The following CYREN variants were observed in gnomAD, a reference collection of about 807,000 sequenced individuals.
CYREN encodes cell cycle regulator of NHEJ, also known as cell cycle regulator of non-homologous end joining.
A neutral mutation model predicts 9.7 loss-of-function variants in CYREN; 7 were observed. That is an observed-to-expected ratio of 0.72 (90% CI 0.41 to 1.36). CYREN has a LOEUF of 1.36. CYREN is among the 40% of genes most tolerant of loss of function. CYREN has a pLI of 0.01. For missense variants in CYREN, 215 were observed against 198.1 expected (o/e 1.09, Z -0.51); for synonymous variants, 76 against 77.9 (o/e 0.98, Z 0.13).
intron 2 of CYREN, chr7:135,148,319 C>T (rs1347382723): frequency 5.9e-6 from 2 of 336,680 alleles, no homozygotes; most frequent in East Asian, 1.7e-4. Context: ...CGTCTACTAC[C>T]TTGTAAGACA....
intron 2 of CYREN, 144 bp from the exon 3 acceptor site, chr7:135,167,951 C>T: frequency 7.2e-7 from 1 of 1,397,860 alleles, no homozygotes; most frequent in Non-Finnish European, 9.6e-7. Context: ...AGCTTTCTGA[C>T]ACGGACACAA....
At position 135,151,804 on chromosome 7, in the gene CYREN, C is replaced by T. The variant is rs923883907; in HGVS notation, n.356+16945G>A. On this transcript the variant is annotated intron_variant and non_coding_transcript_variant, in intron 2 of 2. Coordinates refer to the CYREN transcript ENST00000459937. The surrounding 1 kb of genome is among the most constrained non-coding windows in gnomAD (Gnocchi z 4.3). ...GTCATATGACTAGTGAGTGACAGAA[C>T]GACGACATGCTCCCAGGTCATCTGG... Among the ~76,000 whole-genome samples, 2 of 152,182 alleles carry T rather than the reference C, an allele frequency of 1.3e-5. No individual in the cohort carries two copies. The highest frequency in any genetic ancestry group is 1.3e-4 in the Admixed American group (2 of 15,288).
intron 2 of CYREN, chr7:135,101,397 A>T (rs1823808137): frequency 2.8e-6 from 1 of 362,590 alleles, no homozygotes; most frequent in African/African-American, 2.1e-5. Context: ...AAAGGATGAG[A>T]TTGATAGCTA....
At chr7:135,101,180 T>G (rs1256611283) in intron 2 of CYREN, 2 of 456,022 alleles carry the variant, frequency 4.4e-6, no homozygotes, top group African/African-American at 4.0e-5. Context: ...TCAAGGGAAC[T>G]GATTTGTATG....
At chr7:135,119,068 CAGA>C (rs1826742536) in intron 2 of CYREN, among the ~76,000 whole-genome samples, 1 of 152,000 alleles carries the variant, frequency 6.6e-6, no homozygotes, top group South Asian at 2.1e-4. Flanking sequence ...ATCGTAGTTT[CAGA>C]AGGACAGGAG....
At chr7:135,154,760 T>C (rs1306337604) in intron 2 of CYREN, among the ~76,000 whole-genome samples, 1 of 152,234 alleles carries the variant, frequency 6.6e-6, no homozygotes, top group East Asian at 1.9e-4. Context: ...ACTTCTTTTG[T>C]GGCCTTACAT....
chr7:135,156,742 T>C (rs1188532098), intron 2 of CYREN, among the ~76,000 whole-genome samples: 1 of 152,244 alleles, frequency 6.6e-6, no homozygotes, highest in African/African-American at 2.4e-5. Context: ...CTGCTGCTGC[T>C]GGACAGCTGT....
chr7:135,096,584 C>CATAGATAGATAGATAGATAGATAG lies in CYREN; in HGVS notation n.357-2026_357-2003dup, dbSNP rs71172496. Among the ~76,000 whole-genome samples the CATAGATAGATAGATAGATAGATAG allele has an allele frequency of 1.6e-3, 141 of 88,814 alleles. 1 individual carries two copies. Among genetic ancestry groups the CATAGATAGATAGATAGATAGATAG allele is most frequent in the East Asian group, 3.9e-3 (14 of 3,592 alleles). 58.3% of individuals were successfully genotyped at this position (88,814 alleles called of 152,430 possible). A position where few individuals can be genotyped will look rare whatever the true frequency, so the allele number is the denominator to read the frequency against. On this transcript the variant is annotated intron_variant and non_coding_transcript_variant, in intron 2 of 2. Coordinates refer to the CYREN transcript ENST00000459937. ...AGATAGATAGATAGATAGATAGATA[C>CATAGATAGATAGATAGATAGATAG]ATAGATAGATAGATAGATAGATAGA...
chr7:135,170,845 C>T (rs1379620776), upstream of CYREN: 1 of 152,198 alleles, frequency 6.6e-6, no homozygotes, highest in Non-Finnish European at 1.5e-5. Context: ...GCAGCTGCCT[C>T]AGTCGGAGGT....
intron 2 of CYREN, among the ~76,000 whole-genome samples, chr7:135,125,548 C>T (rs1208303269): frequency 6.6e-6 from 1 of 152,182 alleles, no homozygotes; most frequent in African/African-American, 2.4e-5. Context: ...ATTTATGAAG[C>T]CACCATCATC....
chr7:135,160,237 T>C (rs1028952598), intron 2 of CYREN, among the ~76,000 whole-genome samples: 2 of 152,232 alleles, frequency 1.3e-5, no homozygotes, highest in Non-Finnish European at 2.9e-5. Context: ...TTCATGTATT[T>C]TCTAGTTTCC....
chr7:135,102,249 T>C (rs1325977303), intron 2 of CYREN, among the ~76,000 whole-genome samples: 1 of 152,208 alleles, frequency 6.6e-6, no homozygotes, highest in Non-Finnish European at 1.5e-5. Flanking sequence ...CAATGGAACA[T>C]AAAGTTTCTT....
At chr7:135,108,317 T>C (rs1825073609) in intron 2 of CYREN, among the ~76,000 whole-genome samples, 2 of 152,226 alleles carry the variant, frequency 1.3e-5, no homozygotes, top group Admixed American at 1.3e-4. Context: ...GTCACTGGTC[T>C]ACGTACTTAA....
intron 2 of CYREN, among the ~76,000 whole-genome samples, chr7:135,122,508 C>T (rs62479725): frequency 0.051 from 7,759 of 152,272 alleles, 279 homozygotes; most frequent in Middle Eastern, 0.18. Flanking sequence ...TTCCCCCCAG[C>T]GAAGCACACC....
intron 2 of CYREN, chr7:135,129,244 T>C (rs1444955069): frequency 1.3e-5 from 20 of 1,506,002 alleles, no homozygotes; most frequent in East Asian, 2.3e-5. Context: ...GGCTACATCA[T>C]GGGTATCTGC....
At chr7:135,107,976 CT>C (rs549582591) in intron 2 of CYREN, among the ~76,000 whole-genome samples, 117 of 149,428 alleles carry the variant, frequency 7.8e-4, no homozygotes, top group African/African-American at 2.0e-3. Context: ...ATGTCTTTAT[CT>C]TTTTTTTTTA....
intron 2 of CYREN, among the ~76,000 whole-genome samples, chr7:135,125,519 G>C (rs1827752956): frequency 6.6e-6 from 1 of 152,134 alleles, no homozygotes; most frequent in Non-Finnish European, 1.5e-5. Context: ...TTGAAAAGGA[G>C]GGACTCCTCC....
At chr7:135,132,165 G>A (rs1045723216) in intron 2 of CYREN, among the ~76,000 whole-genome samples, 7 of 152,100 alleles carry the variant, frequency 4.6e-5, no homozygotes, top group African/African-American at 1.7e-4. Context: ...ATTTTATGAA[G>A]CCACTGTTAG....
At chr7:135,121,357 T>C (rs1827102489) in intron 2 of CYREN, among the ~76,000 whole-genome samples, 1 of 152,152 alleles carries the variant, frequency 6.6e-6, no homozygotes, top group South Asian at 2.1e-4. Context: ...AATATCTAAC[T>C]GACATTTAAG....
Sources: allele counts gnomAD v4.1 joint callset (sites outside exome capture counted in the v4.1 genomes callset), GRCh38; gene constraint gnomAD v4.1.1; non-coding constraint Gnocchi (gnomAD v3.1); transcripts MANE v1.5; gene names NCBI Gene and HGNC (gene_info 2026-07-23, HGNC 2026-07-21).